CADPS: variants seen among roughly 807,000 people sequenced by gnomAD.
The protein encoded by CADPS is calcium-dependent secretion activator 1.
In CADPS, 57 loss-of-function variants were observed where a neutral mutation model predicts 167.3. The observed-to-expected ratio is 0.34, with a 90% CI of 0.28 to 0.42. The LOEUF is 0.42. CADPS is among the 20% of genes least tolerant of loss of function. The pLI, the probability that CADPS is intolerant of heterozygous loss-of-function variation, is 1.00. For synonymous variants in CADPS, 676 were observed against 635.3 expected (o/e 1.06, Z -0.96); for missense variants, 1,414 against 1,738.1 (o/e 0.81, Z 3.32).
intron 28 of CADPS, among the ~76,000 whole-genome samples, chr3:62,415,505 G>T (rs1248982636): frequency 6.6e-6 from 1 of 151,916 alleles, no homozygotes; most frequent in African/African-American, 2.4e-5. Flanking sequence ...TAATGCACCT[G>T]AAGAAGCCGG....
chr3:62,615,842 A>G (rs1292877074), intron 6 of CADPS, among the ~76,000 whole-genome samples: 2 of 152,172 alleles, frequency 1.3e-5, no homozygotes, highest in Admixed American at 6.6e-5. Flanking sequence ...GTGACTATTC[A>G]TGTTTTGAAC....
chr3:62,737,887 T>C (rs1284766358), intron 3 of CADPS, among the ~76,000 whole-genome samples: 1 of 152,136 alleles, frequency 6.6e-6, no homozygotes, highest in African/African-American at 2.4e-5. Flanking sequence ...ATACCACCAT[T>C]ATCCTCTGTC....
intron 3 of CADPS, among the ~76,000 whole-genome samples, chr3:62,669,880 CAGA>C (rs2075198830): frequency 1.3e-5 from 2 of 152,324 alleles, no homozygotes; most frequent in South Asian, 4.1e-4. Flanking sequence ...TTCTCCCTTA[CAGA>C]AGTTCTGATT....
chr3:62,722,808 T>TTGTGGGGGTGTGTC (rs1431006854), intron 3 of CADPS, among the ~76,000 whole-genome samples: 1 of 152,132 alleles, frequency 6.6e-6, no homozygotes, highest in Non-Finnish European at 1.5e-5. Context: ...TAATTGTTTT[T>TTGTGGGGGTGTGTC]TGTGGGGGTG....
chr3:62,768,661 A>C (rs1375513765), intron 1 of CADPS, among the ~76,000 whole-genome samples: 1 of 152,154 alleles, frequency 6.6e-6, no homozygotes, highest in African/African-American at 2.4e-5. Flanking sequence ...CTGGGCACTA[A>C]GGAATCAAAA....
At chr3:62,417,416 C>T (rs2050344413) in intron 28 of CADPS, among the ~76,000 whole-genome samples, 1 of 149,504 alleles carries the variant, frequency 6.7e-6, no homozygotes, top group South Asian at 2.2e-4. Flanking sequence ...TCCTGAGTTG[C>T]TGGGATTACA....
At chr3:62,624,113 G>A (rs551626272) in intron 6 of CADPS, among the ~76,000 whole-genome samples, 1 of 152,254 alleles carries the variant, frequency 6.6e-6, no homozygotes, top group South Asian at 2.1e-4. Context: ...CTGCCCCCTG[G>A]AACCAAGAAT....
rs1306605009 is a variant in CADPS at position 62,465,949 on chromosome 3, T to C, written c.3552+390A>G. Among the ~76,000 whole-genome samples the C allele has an allele frequency of 6.6e-6, 1 of 152,224 alleles. No individual in the cohort carries two copies. Among genetic ancestry groups the C allele is most frequent in the Non-Finnish European group, 1.5e-5 (1 of 68,026 alleles). ...GACTGAAATAGCTTTATCTGACTTT[T>C]ATGTTTTATTATGACTCTCACTGCA... On this transcript the variant is annotated intron_variant, in intron 25 of 29. Coordinates refer to ENST00000383710, the MANE Select transcript of CADPS (RefSeq NM_003716.4). The surrounding 1 kb of genome is among the most constrained non-coding windows in gnomAD (Gnocchi z 4.1).
intron 4 of CADPS, among the ~76,000 whole-genome samples, chr3:62,656,758 T>G (rs369253503): frequency 6.6e-6 from 1 of 152,196 alleles, no homozygotes; most frequent in Non-Finnish European, 1.5e-5. Context: ...AAAATAGGCA[T>G]TGCAGACATT....
At chr3:62,779,329 T>C (rs1268416538) in intron 1 of CADPS, 1 of 404,258 alleles carries the variant, frequency 2.5e-6, no homozygotes, top group Non-Finnish European at 5.0e-6. Context: ...GGTCATCTTT[T>C]TTTCTGGAAC....
At chr3:62,654,020 T>G (rs2070896379) in intron 4 of CADPS, among the ~76,000 whole-genome samples, 1 of 152,212 alleles carries the variant, frequency 6.6e-6, no homozygotes, top group Admixed American at 6.5e-5. Context: ...TACTAATGAT[T>G]CATCACAAAA....
chr3:62,489,711 G>A (rs954350900), intron 21 of CADPS, among the ~76,000 whole-genome samples: 1 of 152,118 alleles, frequency 6.6e-6, no homozygotes, highest in Admixed American at 6.5e-5. Context: ...AGTAGTCTCC[G>A]TATTTAAGTG....
intron 3 of CADPS, among the ~76,000 whole-genome samples, chr3:62,667,956 G>A (rs1425119467): frequency 6.6e-6 from 1 of 152,136 alleles, no homozygotes; most frequent in Non-Finnish European, 1.5e-5. Flanking sequence ...CAGAGGCCTT[G>A]GAGAATTGGC....
chr3:62,744,526 T>G (rs1466363904), intron 3 of CADPS, among the ~76,000 whole-genome samples: 3 of 152,214 alleles, frequency 2.0e-5, no homozygotes, highest in African/African-American at 4.8e-5. Context: ...GAATCTGGAC[T>G]GGTGAAACGT....
intron 18 of CADPS, among the ~76,000 whole-genome samples, chr3:62,496,939 A>G (rs2064902939): frequency 6.6e-6 from 1 of 152,232 alleles, no homozygotes; most frequent in Non-Finnish European, 1.5e-5. Flanking sequence ...TTTATCTAAA[A>G]GAAAATTTGG....
intron 6 of CADPS, among the ~76,000 whole-genome samples, chr3:62,624,250 G>T (rs1454440035): frequency 6.6e-6 from 1 of 152,066 alleles, no homozygotes; most frequent in Non-Finnish European, 1.5e-5. Flanking sequence ...GAATGATGGG[G>T]TTGTTTGTAT....
intron 28 of CADPS, among the ~76,000 whole-genome samples, chr3:62,427,997 A>G (rs1336829578): frequency 6.6e-6 from 1 of 152,224 alleles, no homozygotes; most frequent in East Asian, 1.9e-4. Context: ...AACTGGCTTT[A>G]GTCCAGGGAT....
In CADPS at chr3:62,849,020, G is replaced by A. The variant is rs1455682323; in HGVS notation, c.441+25569C>T. On this transcript the variant is annotated intron_variant, in intron 1 of 29. Transcript: ENST00000383710. ...CATCCCTTGTAAGTTGGATTCCTAG[G>A]TATTTTATTCTCTTTGAAGCAATTG... Among the ~76,000 whole-genome samples the A allele has an allele frequency of 1.1e-4, 16 of 146,096 alleles. 2 individuals carry two copies. The highest frequency in any genetic ancestry group is 4.1e-4 in the African/African-American group (16 of 38,878).
intron 3 of CADPS, among the ~76,000 whole-genome samples, chr3:62,718,616 G>C (rs77607806): frequency 3.9e-5 from 6 of 152,178 alleles, no homozygotes; most frequent in African/African-American, 1.4e-4. Context: ...TGAGACTGGG[G>C]TGGGCTCAGT....
Sources: gnomAD v4.1 joint callset for allele counts (sites outside exome capture counted in the v4.1 genomes callset) on GRCh38, gnomAD v4.1.1 for gene constraint, Gnocchi (gnomAD v3.1) non-coding constraint, MANE v1.5 for transcripts, NCBI Gene and HGNC (gene_info 2026-07-23, HGNC 2026-07-21) for gene names.